Variants in LINGO2 observed in about 807,000 individuals in gnomAD.
LINGO2 encodes leucine-rich repeat and immunoglobulin-like domain-containing nogo receptor-interacting protein 2.
A neutral mutation model predicts 30.6 loss-of-function variants in LINGO2; 14 were observed. The observed-to-expected ratio is 0.46, with a 90% CI of 0.30 to 0.72. LINGO2 has a LOEUF of 0.72. Among genes scored for constraint, LINGO2 ranks in the 30% least tolerant of loss-of-function variants. The probability of loss-of-function intolerance (pLI) is 0.07; values close to 1 mark genes in which losing one functional copy is unlikely to be tolerated. For missense variants in LINGO2, 729 were observed against 751.7 expected (o/e 0.97, Z 0.35); for synonymous variants, 317 against 288.5 (o/e 1.10, Z -1.00).
the LINGO2 span, among the ~76,000 whole-genome samples, chr9:28,717,132 A>C: frequency 6.6e-6 from 1 of 152,034 alleles, no homozygotes; most frequent in Non-Finnish European, 1.5e-5. Flanking sequence ...AGAGGTATCC[A>C]AGAAATTACA....
intron 2 of LINGO2, among the ~76,000 whole-genome samples, chr9:28,376,538 TC>T (rs1320367038): frequency 6.6e-6 from 1 of 152,138 alleles, no homozygotes; most frequent in Non-Finnish European, 1.5e-5. Flanking sequence ...CACAGCTGAG[TC>T]CTTCTCTGGG....
intron 2 of LINGO2, among the ~76,000 whole-genome samples, chr9:28,459,465 C>A (rs1258512825): frequency 1.3e-5 from 2 of 151,442 alleles, no homozygotes; most frequent in African/African-American, 4.8e-5. Flanking sequence ...AGAGTTGAAT[C>A]GATTTCAACA....
At chr9:28,951,545 C>A in the LINGO2 span, among the ~76,000 whole-genome samples, 1 of 152,116 alleles carries the variant, frequency 6.6e-6, no homozygotes, top group Non-Finnish European at 1.5e-5. Flanking sequence ...CTTATTCTGA[C>A]CTGACAGAGG....
the LINGO2 span, among the ~76,000 whole-genome samples, chr9:29,124,570 TAAAC>T: frequency 1.3e-4 from 19 of 151,468 alleles, no homozygotes; most frequent in Non-Finnish European, 1.9e-4. Context: ...TTATAAGAAA[TAAAC>T]AAACAACCCC....
upstream of LINGO2, among the ~76,000 whole-genome samples, chr9:28,673,706 A>ATCATCATC (rs1266460076): frequency 1.2e-4 from 14 of 117,382 alleles, no homozygotes; most frequent in African/African-American, 4.5e-4. Flanking sequence ...TCATCATCAT[A>ATCATCATC]AATATTGTTC....
intron 4 of LINGO2, among the ~76,000 whole-genome samples, chr9:28,118,454 T>C (rs1403516952): frequency 6.6e-6 from 1 of 152,170 alleles, no homozygotes; most frequent in Admixed American, 6.5e-5. Context: ...GTTAGTTTAA[T>C]AAGGAGAAGG....
At chr9:28,761,900 T>A in the LINGO2 span, among the ~76,000 whole-genome samples, 1 of 152,010 alleles carries the variant, frequency 6.6e-6, no homozygotes, top group Non-Finnish European at 1.5e-5. Flanking sequence ...TGTCATCAGC[T>A]TGGCTATATA....
rs188353403 is a variant in LINGO2, at chr9:28,122,450, C to T, written c.-86-110045G>A. The stretch of plus-strand genomic sequence containing the variant: ...TTGAAACTCACATCTTACAGGATAC[C>T]TATCAGCATTATTGTTTTGTCTATA... On this transcript the variant is annotated intron_variant, in intron 4 of 5. Transcript: ENST00000379992. Among the ~76,000 whole-genome samples the T allele has an allele frequency of 4.3e-3, 656 of 152,238 alleles. 10 individuals are homozygous for T. Among genetic ancestry groups the T allele is most frequent in the Admixed American group, 0.027 (418 of 15,282 alleles).
At chr9:28,499,753 C>T (rs1019285964) in intron 1 of LINGO2, among the ~76,000 whole-genome samples, 1 of 152,166 alleles carries the variant, frequency 6.6e-6, no homozygotes, top group Non-Finnish European at 1.5e-5. Context: ...ACTGAAAAGC[C>T]ATCACTTTAT....
At chr9:29,047,536 C>T in the LINGO2 span, among the ~76,000 whole-genome samples, 1 of 152,074 alleles carries the variant, frequency 6.6e-6, no homozygotes, top group East Asian at 1.9e-4. Context: ...TGGAGAAAAA[C>T]TGAAAGACTT....
rs1282763878 is a variant in LINGO2, at chr9:27,965,088, GTCATGATGTGTC to G, written c.-35-14394_-35-14383del. 7.0e-4 allele frequency among the ~76,000 whole-genome samples: 107 copies of G among 152,214 alleles called. No individual in the cohort carries two copies. The South Asian group carries it at 0.021, about 29-fold the overall frequency. On this transcript the variant is annotated intron_variant, in intron 5 of 5. Transcript: ENST00000379992. ...TTTGCCAGGAAGGAGTTAGACAGAA[GTCATGATGTGTC>G]TTTAACTACAGGCAAAGACTATTAA...
intron 1 of LINGO2, among the ~76,000 whole-genome samples, chr9:28,492,844 C>T (rs553654875): frequency 1.3e-5 from 2 of 151,474 alleles, no homozygotes; most frequent in African/African-American, 4.9e-5. Context: ...ACAACAACAA[C>T]AACAACAAAA....
chr9:28,894,303 T>C, the LINGO2 span, among the ~76,000 whole-genome samples: 1 of 152,138 alleles, frequency 6.6e-6, no homozygotes, highest in Non-Finnish European at 1.5e-5. Context: ...TGCTGTTATA[T>C]TGATTTTAGG....
At chr9:28,868,813 A>C in the LINGO2 span, among the ~76,000 whole-genome samples, 1 of 152,090 alleles carries the variant, frequency 6.6e-6, no homozygotes. Flanking sequence ...TTTGCAACTG[A>C]AAATTAAGCT....
At chr9:28,564,708 A>G (rs970560408) in intron 1 of LINGO2, among the ~76,000 whole-genome samples, 1 of 152,140 alleles carries the variant, frequency 6.6e-6, no homozygotes, top group African/African-American at 2.4e-5. Flanking sequence ...CATTAGACCT[A>G]TGCTTGCACC....
At chr9:28,922,080 A>T in the LINGO2 span, among the ~76,000 whole-genome samples, 2 of 152,102 alleles carry the variant, frequency 1.3e-5, no homozygotes, top group African/African-American at 2.4e-5. Context: ...ACTGTATCTT[A>T]TGGTTTCCCT....
In LINGO2 at chr9:28,322,584, A is replaced by T. The variant is rs367579233; in HGVS notation, c.-245-27218T>A. 3.9e-4 allele frequency among the ~76,000 whole-genome samples: 60 copies of T among 152,318 alleles called. No individual in the cohort carries two copies. The South Asian group carries it at 0.012, about 30-fold the overall frequency. ...TTAATAAAAATTAAGGAACTTGCAC[A>T]TCAAACATTTATGTATGGCATAATT... On this transcript the variant is annotated intron_variant, in intron 3 of 5. Transcript: ENST00000379992.
chr9:28,474,367 T>C (rs1318311731), intron 2 of LINGO2, among the ~76,000 whole-genome samples: 2 of 151,150 alleles, frequency 1.3e-5, no homozygotes, highest in Non-Finnish European at 2.9e-5. Flanking sequence ...AAATACAGCT[T>C]AACTTACCTT....
intron 4 of LINGO2, among the ~76,000 whole-genome samples, chr9:28,291,728 T>C (rs1823738153): frequency 6.6e-6 from 1 of 152,164 alleles, no homozygotes; most frequent in African/African-American, 2.4e-5. Context: ...ATATCTGACA[T>C]GTAATTAGAA....
Sources: gnomAD v4.1 joint callset for allele counts (sites outside exome capture counted in the v4.1 genomes callset) on GRCh38, gnomAD v4.1.1 for gene constraint, MANE v1.5 for transcripts, NCBI Gene and HGNC (gene_info 2026-07-23, HGNC 2026-07-21) for gene names.